The following ZDHHC21 variants were observed in gnomAD, a reference collection of about 807,000 sequenced individuals.
The protein encoded by ZDHHC21 is palmitoyltransferase ZDHHC21.
A neutral mutation model predicts 34.6 loss-of-function variants in ZDHHC21; 15 were observed. The ratio of observed to expected loss-of-function variants is 0.43; its 90% CI spans 0.29 to 0.67. ZDHHC21 has a LOEUF of 0.67. ZDHHC21 is among the 30% of genes least tolerant of loss of function. ZDHHC21 has a pLI of 0.14. For synonymous variants in ZDHHC21, 142 were observed against 101.8 expected (o/e 1.40, Z -2.38); for missense variants, 344 against 327.7 (o/e 1.05, Z -0.38).
At chr9:14,650,393 T>TCTTGGCTATTCTTGACC (rs1831030585) in intron 7 of ZDHHC21, among the ~76,000 whole-genome samples, 1 of 151,970 alleles carries the variant, frequency 6.6e-6, no homozygotes, top group African/African-American at 2.4e-5. Context: ...TCCACAATAC[T>TCTTGGCTATTCTTGACC]CTTGGCTATT....
chr9:14,632,358 C>G (rs1385701539), intron 8 of ZDHHC21, among the ~76,000 whole-genome samples: 2 of 151,958 alleles, frequency 1.3e-5, no homozygotes, highest in East Asian at 3.9e-4. Context: ...AAAGAATTGT[C>G]TTTGCAAGAA....
chr9:14,607,761 C>G (rs998861459), downstream of ZDHHC21, among the ~76,000 whole-genome samples: 1 of 152,080 alleles, frequency 6.6e-6, no homozygotes, highest in East Asian at 1.9e-4. Context: ...TTTAAAACAG[C>G]GTTCACCTCT....
At chr9:14,625,411 A>G (rs978728357) in intron 8 of ZDHHC21, among the ~76,000 whole-genome samples, 1 of 152,070 alleles carries the variant, frequency 6.6e-6, no homozygotes, top group Non-Finnish European at 1.5e-5. Context: ...AACAGATCTT[A>G]TATTTATAGA....
the ZDHHC21 span, among the ~76,000 whole-genome samples, chr9:14,601,892 AG>A: frequency 6.6e-6 from 1 of 152,170 alleles, no homozygotes; most frequent in South Asian, 2.1e-4. Flanking sequence ...AAACGCTCAC[AG>A]GAACAGAAAA....
chr9:14,631,683 T>G (rs1238099672), intron 8 of ZDHHC21, among the ~76,000 whole-genome samples: 1 of 152,180 alleles, frequency 6.6e-6, no homozygotes, highest in Non-Finnish European at 1.5e-5. Flanking sequence ...CTTAAATACT[T>G]AGAGGCCACC....
rs538463461 is a variant in ZDHHC21, at chr9:14,649,837, T to A, written c.504+8912A>T. Among the ~76,000 whole-genome samples, 6 of 152,158 alleles carry A rather than the reference T, an allele frequency of 3.9e-5. No homozygotes were observed. The South Asian group carries it at 1.2e-3, about 32-fold the overall frequency. ...TTTAGCAGTAAAAATTCTAGAAAAG[T>A]TTGGGCAATCCAATAAGAGAACAGG... On this transcript the variant is annotated intron_variant, in intron 7 of 9. Coordinates refer to ENST00000380916, the MANE Select transcript of ZDHHC21 (RefSeq NM_178566.6).
chr9:14,603,481 C>T, the ZDHHC21 span, among the ~76,000 whole-genome samples: 1 of 152,000 alleles, frequency 6.6e-6, no homozygotes, highest in African/African-American at 2.4e-5. Flanking sequence ...ATGTGCTAAA[C>T]AAAAAATTGT....
At chr9:14,658,464 CTTTTTTTTTTTTT>C (rs769819264) in intron 7 of ZDHHC21, among the ~76,000 whole-genome samples, 4 of 65,390 alleles carry the variant, frequency 6.1e-5, no homozygotes, top group South Asian at 1.4e-3. Context: ...ATAAACATTT[CTTTTTTTTTTTTT>C]TTTTTTTTTT....
At chr9:14,647,282 T>A (rs1243163366) in intron 7 of ZDHHC21, among the ~76,000 whole-genome samples, 1 of 152,118 alleles carries the variant, frequency 6.6e-6, no homozygotes, top group Non-Finnish European at 1.5e-5. Context: ...GGGCACCACC[T>A]CTTAATGCAA....
At chr9:14,633,564 C>A (rs1182405655) in intron 8 of ZDHHC21, among the ~76,000 whole-genome samples, 1 of 152,170 alleles carries the variant, frequency 6.6e-6, no homozygotes, top group Non-Finnish European at 1.5e-5. Context: ...CCTCACCAGA[C>A]TGTATCCTGC....
intron 2 of ZDHHC21, among the ~76,000 whole-genome samples, chr9:14,683,001 C>A (rs1338332918): frequency 6.6e-6 from 1 of 152,150 alleles, no homozygotes; most frequent in Non-Finnish European, 1.5e-5. Flanking sequence ...AGAACAGACA[C>A]AACATACCAG....
chr9:14,641,610 C>T (rs947249142), intron 7 of ZDHHC21, among the ~76,000 whole-genome samples: 2 of 152,026 alleles, frequency 1.3e-5, no homozygotes, highest in Non-Finnish European at 1.5e-5. Flanking sequence ...TACCAGCCAC[C>T]TCAGTTTCTC....
chr9:14,597,269 G>A, the ZDHHC21 span, among the ~76,000 whole-genome samples: 4 of 152,010 alleles, frequency 2.6e-5, no homozygotes, highest in East Asian at 3.9e-4. Flanking sequence ...CACGTCCCTG[G>A]AGCCCTGCTG....
At chr9:14,594,622 C>A in the ZDHHC21 span, among the ~76,000 whole-genome samples, 15 of 152,210 alleles carry the variant, frequency 9.9e-5, no homozygotes, top group East Asian at 2.9e-3. Context: ...AGATAAAAAC[C>A]TGCATGACCT....
chr9:14,663,980 T>TA (rs1407990614), intron 5 of ZDHHC21, among the ~76,000 whole-genome samples: 1 of 152,144 alleles, frequency 6.6e-6, no homozygotes, highest in Non-Finnish European at 1.5e-5. Flanking sequence ...ATCCCAGTGT[T>TA]AAAACTTTGA....
At chr9:14,682,335 G>T (rs1251472661) in intron 2 of ZDHHC21, among the ~76,000 whole-genome samples, 1 of 152,170 alleles carries the variant, frequency 6.6e-6, no homozygotes, top group Non-Finnish European at 1.5e-5. Flanking sequence ...AAAATAAAGG[G>T]ATGGAGGAAG....
chr9:14,645,579 A>C (rs1830154087), intron 7 of ZDHHC21, among the ~76,000 whole-genome samples: 1 of 152,094 alleles, frequency 6.6e-6, no homozygotes, highest in Non-Finnish European at 1.5e-5. Flanking sequence ...CTACTCAAAA[A>C]TGAAACGGTT....
At chr9:14,629,426 A>G (rs939419002) in intron 8 of ZDHHC21, among the ~76,000 whole-genome samples, 1 of 152,200 alleles carries the variant, frequency 6.6e-6, no homozygotes, top group Non-Finnish European at 1.5e-5. Flanking sequence ...AAAACCATAA[A>G]TAACTTACAG....
intron 8 of ZDHHC21, among the ~76,000 whole-genome samples, chr9:14,632,810 T>C (rs10961627): frequency 0.38 from 57,600 of 151,594 alleles, 11,277 homozygotes; most frequent in Non-Finnish European, 0.44. Context: ...GATATACAAA[T>C]GGACAACAAG....
Sources: gnomAD v4.1 joint callset for allele counts (sites outside exome capture counted in the v4.1 genomes callset) on GRCh38, gnomAD v4.1.1 for gene constraint, MANE v1.5 for transcripts, NCBI Gene and HGNC (gene_info 2026-07-23, HGNC 2026-07-21) for gene names.